The following TXLNA variants were observed in gnomAD, a reference collection of about 807,000 sequenced individuals.
TXLNA encodes the protein alpha-taxilin.
TXLNA carries 9 observed loss-of-function variants against 61.4 expected under a neutral mutation model. That is an observed-to-expected ratio of 0.15 (90% CI 0.09 to 0.26). TXLNA has a LOEUF of 0.26. Ranked by LOEUF, TXLNA falls within the 10% of genes least tolerant of loss-of-function variation. The probability of loss-of-function intolerance (pLI) is 1.00; values close to 1 mark genes in which losing one functional copy is unlikely to be tolerated. For synonymous variants in TXLNA, 257 were observed against 267.7 expected, an observed-to-expected ratio of 0.96 and a Z score of 0.39; for missense variants, 565 against 688.8, an observed-to-expected ratio of 0.82 and a Z score of 2.01.
intron 6 of TXLNA, 95 bp downstream of exon 6, chr1:32,190,344 A>G (rs1309362058): frequency 1.7e-6 from 2 of 1,210,828 alleles, no homozygotes; most frequent in Non-Finnish European, 2.3e-6. Context: ...GCTTCATCCC[A>G]TTCTCCCTTT....
chr1:32,182,003 G>A (rs1382140433), intron 3 of TXLNA, among the ~76,000 whole-genome samples: 1 of 151,886 alleles, frequency 6.6e-6, no homozygotes, highest in East Asian at 1.9e-4. Flanking sequence ...CTGGCCATGG[G>A]GCCACCTGAA....
intron 5 of TXLNA, among the ~76,000 whole-genome samples, chr1:32,189,735 G>A (rs1257003397): frequency 6.6e-6 from 1 of 152,028 alleles, no homozygotes; most frequent in Non-Finnish European, 1.5e-5. Flanking sequence ...TAGAAACGGG[G>A]TTTCACCATA....
intron 4 of TXLNA, among the ~76,000 whole-genome samples, chr1:32,184,850 G>A (rs1024392054): frequency 5.3e-5 from 8 of 152,330 alleles, no homozygotes; most frequent in Admixed American, 2.6e-4. Flanking sequence ...CAAGGTGGTA[G>A]AGCCCTTGTT....
Position 32,180,302 on chromosome 1 carries a change from T to G in TXLNA, c.-32-12T>G. 1 of 1,552,900 alleles carries G rather than the reference T, an allele frequency of 6.4e-7. No homozygotes were observed. The highest frequency in any genetic ancestry group is 8.7e-7 in the Non-Finnish European group (1 of 1,151,692). On this transcript the variant is annotated splice_polypyrimidine_tract_variant and intron_variant, in intron 1 of 10. Transcript: ENST00000373610. ...GAAGTCTGGAAAATAGCAACTGTGT[T>G]TGTTTCTAAAGGATCTTCTCCTGAC...
chr1:32,185,386 G>GTATT (rs58376932), intron 4 of TXLNA, among the ~76,000 whole-genome samples: 4,346 of 147,616 alleles, frequency 0.029, 87 homozygotes, highest in Non-Finnish European at 0.044. Flanking sequence ...ATGTATGTAT[G>GTATT]TATTTATTTA....
chr1:32,186,421 T>TCAC (rs376955372), intron 4 of TXLNA, among the ~76,000 whole-genome samples: 6,147 of 152,226 alleles, frequency 0.04, 171 homozygotes, highest in Middle Eastern at 0.082. Context: ...GAGAGGAGTG[T>TCAC]GAATAGCATA....
At chr1:32,185,646 C>A (rs202031857) in intron 4 of TXLNA, among the ~76,000 whole-genome samples, 1 of 150,142 alleles carries the variant, frequency 6.7e-6, no homozygotes, top group South Asian at 2.1e-4. Context: ...GTGATCCGCC[C>A]GCCTCGGCCT....
intron 5 of TXLNA, among the ~76,000 whole-genome samples, chr1:32,189,233 G>T (rs1415992602): frequency 6.6e-6 from 1 of 152,120 alleles, no homozygotes; most frequent in Non-Finnish European, 1.5e-5. Context: ...TTATCTGTAG[G>T]ATAAGTCATG....
chr1:32,191,995 G>A (rs1208189800), intron 6 of TXLNA, among the ~76,000 whole-genome samples: 4 of 152,284 alleles, frequency 2.6e-5, no homozygotes, highest in African/African-American at 7.2e-5. Context: ...GGACACAGAA[G>A]TGAGGGCTTC....
chr1:32,188,036 T>G lies in TXLNA; in HGVS notation c.680T>G (p.Leu227Arg). Residue 227 changes from leucine (L) to arginine (R), a missense_variant, in exon 5 of 11, where the codon CTG becomes CGG. Coordinates refer to ENST00000373610, the MANE Select transcript of TXLNA (RefSeq NM_175852.4). ...QSQLVQEKDH[L>R]RGEHSKAVLA... is the part of the protein sequence containing the mutation. ...CAGCTGGTGCAAGAGAAGGACCACCTGCGCGGTGAGCACAGCAAGGCCGTC... is the reference window on the plus strand; with the variant it reads ...CAGCTGGTGCAAGAGAAGGACCACCGGCGCGGTGAGCACAGCAAGGCCGTC... 6.2e-7 allele frequency: 1 copy of G among 1,610,376 alleles called. No individual in the cohort carries two copies. The highest frequency in any genetic ancestry group is 2.2e-5 in the East Asian group (1 of 44,820).
rs763517500 is a variant in TXLNA, at chr1:32,193,217, T to C, written c.1168T>C (p.Tyr390His). Reference sequence around the variant, plus strand: ...TGCTTTCTCCCCACAGCTTGCCCTATACACAGAGAAGTTTGAGGAGTTCCA... The same window carrying C: ...TGCTTTCTCCCCACAGCTTGCCCTACACACAGAGAAGTTTGAGGAGTTCCA... ...ETHLKQQLAL[Y>H]TEKFEEFQNT... The change falls in exon 9 of 11, where the codon TAC becomes CAC. Residue 390 changes from tyrosine to histidine, a missense_variant. This residue lies in a region of TXLNA where 373 missense variants were observed against 504.0 expected (regional missense o/e 0.74). Transcript: ENST00000373610. 1 of 1,613,608 alleles carries C rather than the reference T, an allele frequency of 6.2e-7. No individual in the cohort carries two copies. Among genetic ancestry groups the C allele is most frequent in the African/African-American group, 1.3e-5 (1 of 74,838 alleles).
At chr1:32,194,847 T>C in intron 10 of TXLNA, 55 bp from the exon 11 acceptor site, 1 of 1,535,960 alleles carries the variant, frequency 6.5e-7, no homozygotes, top group South Asian at 1.3e-5. Flanking sequence ...CAAGTGGTGA[T>C]GGTAAGTGGG....
Position 32,180,613 on chromosome 1 carries a change from G to A in TXLNA, c.169+99G>A. The A allele has an allele frequency of 2.1e-6, 3 of 1,433,280 alleles. No homozygotes were observed. In the South Asian group the frequency reaches 4.3e-5, roughly 20 times the overall value. The allele number at this position is 1,433,280 out of a possible 1,614,324, so 88.8% of individuals were successfully genotyped here. ...GCCGAGGCCAGGTTGTCCGGGAGGA[G>A]GAGATGTAGAATGAGAGGACAGTGC... On this transcript the variant is annotated intron_variant, in intron 2 of 10. Coordinates refer to ENST00000373610, the MANE Select transcript of TXLNA (RefSeq NM_175852.4).
intron 4 of TXLNA, 49 bp downstream of exon 4, chr1:32,184,665 A>G: frequency 1.5e-6 from 2 of 1,353,356 alleles, no homozygotes; most frequent in Non-Finnish European, 2.1e-6. Context: ...GAAAATCAGC[A>G]TGCCACCTGG....
chr1:32,187,917 C>T lies in TXLNA; in HGVS notation c.598-37C>T, dbSNP rs780858088. ...TGATCCCCCCACCAGGAAGGCCCCA[C>T]AAGATGCTCACCTGCCCTCCCTATC... On this transcript the variant is annotated intron_variant, in intron 4 of 10. Transcript: ENST00000373610. The T allele has an allele frequency of 2.5e-6, 4 of 1,601,854 alleles. No individual in the cohort carries two copies. The South Asian group carries it at 4.5e-5, about 18-fold the overall frequency.
In TXLNA at chr1:32,192,360, A is replaced by G; in HGVS notation, c.1013A>G (p.Asp338Gly). The G allele has an allele frequency of 6.2e-7, 1 of 1,614,240 alleles. No homozygotes were observed. Residue 338 changes from aspartate (D) to glycine (G), a missense_variant, in exon 7 of 11, where the codon GAT becomes GGT. Asp to Gly is a moderately conservative substitution (Grantham distance 94). Around this residue, in one of 2 missense-constraint regions of TXLNA, gnomAD observed 373 missense variants for 504.0 expected, o/e 0.74. Transcript: ENST00000373610. The surrounding 1 kb of genome is among the most constrained non-coding windows in gnomAD (Gnocchi z 4.2). ...AAGGACCTACAACAGCAGCTGGTGG[A>G]TGCCAAGCTCCAGCAGGCCCAGGAG... ...KHKDLQQQLV[D>G]AKLQQAQEML... is the part of the protein sequence containing the mutation.
Position 32,192,631 on chromosome 1 carries a change from G to A in TXLNA, c.1084-26G>A, listed in dbSNP as rs1483216201. The A allele has an allele frequency of 3.7e-6, 6 of 1,613,780 alleles. No homozygotes were observed. The highest frequency in any genetic ancestry group is 4.2e-6 in the Non-Finnish European group (5 of 1,179,750). On this transcript the variant is annotated intron_variant, in intron 7 of 10. Coordinates refer to ENST00000373610, the MANE Select transcript of TXLNA (RefSeq NM_175852.4). The surrounding 1 kb of genome is among the most constrained non-coding windows in gnomAD (Gnocchi z 4.2). ...CATAGCCCCTGGGGGCTTCTGACAG[G>A]ATCTGGGGTTCTGTCTTGGAAATAG... is the stretch of plus-strand genomic sequence containing the variant.
At chr1:32,183,367 G>A (rs1480778545) in intron 3 of TXLNA, among the ~76,000 whole-genome samples, 2 of 146,212 alleles carry the variant, frequency 1.4e-5, no homozygotes, top group East Asian at 2.0e-4. Flanking sequence ...CTCATGATCC[G>A]CCCACCTGGG....
Position 32,192,352 on chromosome 1 carries a change from G to A in TXLNA, c.1005G>A (p.Gln335=), listed in dbSNP as rs1020812414. Reference sequence around the variant, plus strand: ...TCAAACACAAGGACCTACAACAGCAGCTGGTGGATGCCAAGCTCCAGCAGG... The same window carrying A: ...TCAAACACAAGGACCTACAACAGCAACTGGTGGATGCCAAGCTCCAGCAGG... ...KVFKHKDLQQ[Q]LVDAKLQQAQ... is the part of the protein sequence containing the mutation. Residue 335 remains glutamine, a synonymous_variant, in exon 7 of 11, where the codon CAG becomes CAA. Transcript: ENST00000373610. The surrounding 1 kb of genome is among the most constrained non-coding windows in gnomAD (Gnocchi z 4.2). The A allele has an allele frequency of 2.5e-6, 4 of 1,614,238 alleles. No homozygotes were observed. The African/African-American group carries it at 5.3e-5, about 22-fold the overall frequency.
Sources: gnomAD v4.1 joint callset for allele counts (sites outside exome capture counted in the v4.1 genomes callset) on GRCh38, gnomAD v4.1.1 for gene constraint, gnomAD v4.1.1 regional missense constraint, Gnocchi (gnomAD v3.1) non-coding constraint, MANE v1.5 for transcripts, NCBI Gene and HGNC (gene_info 2026-07-23, HGNC 2026-07-21) for gene names.